The following PELI2 variants were observed in gnomAD, a reference collection of about 807,000 sequenced individuals.
PELI2 encodes pellino E3 ubiquitin protein ligase family member 2, also known as E3 ubiquitin-protein ligase pellino homolog 2.
In PELI2, 23 loss-of-function variants were observed where a neutral mutation model predicts 42.3. That is an observed-to-expected ratio of 0.54 (90% confidence interval 0.39 to 0.77). The LOEUF is 0.77. PELI2 is among the 30% of genes least tolerant of loss of function. The pLI, the probability that PELI2 is intolerant of heterozygous loss-of-function variation, is 0.00. For missense variants in PELI2, 463 were observed against 553.2 expected, an observed-to-expected ratio of 0.84 and a Z score of 1.64; for synonymous variants, 245 against 212.2, an observed-to-expected ratio of 1.15 and a Z score of -1.34.
intron 2 of PELI2, among the ~76,000 whole-genome samples, chr14:56,178,847 G>A (rs1885479951): frequency 6.6e-6 from 1 of 152,144 alleles, no homozygotes; most frequent in Non-Finnish European, 1.5e-5. Context: ...GTTGAAATGT[G>A]ATGTTCTTTA....
intron 2 of PELI2, among the ~76,000 whole-genome samples, chr14:56,263,139 A>G (rs564169925): frequency 3.9e-4 from 60 of 151,948 alleles, no homozygotes; most frequent in African/African-American, 1.3e-3. Flanking sequence ...TTTGTACTTT[A>G]TAGTAGAGAC....
rs762250648 is a variant in PELI2 at position 56,288,779 on chromosome 14, G to A, written c.507+145G>A. On this transcript the variant is annotated intron_variant, in intron 4 of 5. Coordinates refer to ENST00000267460, the MANE Select transcript of PELI2 (RefSeq NM_021255.3). The surrounding 1 kb of genome is among the most constrained non-coding windows in gnomAD (Gnocchi z 4.6). ...TTTAGTTTTCAGGTGGCCAGTTTGA[G>A]AAACTTGTTATTAAAAATCTGAACA... 2 of 614,272 alleles carry A rather than the reference G, an allele frequency of 3.3e-6. No individual in the cohort carries two copies. The highest frequency in any genetic ancestry group is 3.7e-5 in the African/African-American group (2 of 54,080). The allele number at this position is 614,272 out of a possible 1,614,324, so 38.1% of individuals were successfully genotyped here.
At chr14:56,262,864 A>G (rs1167110092) in intron 2 of PELI2, among the ~76,000 whole-genome samples, 2 of 152,208 alleles carry the variant, frequency 1.3e-5, no homozygotes, top group African/African-American at 4.8e-5. Context: ...TAAAAGTTTT[A>G]ATATAGAATA....
rs1886195574 is a variant in PELI2 at position 56,198,000 on chromosome 14, AC to A, written c.207+19537del. On this transcript the variant is annotated intron_variant, in intron 2 of 5. Transcript: ENST00000267460. This position sits in a 1 kb window ranked among gnomAD's most constrained non-coding sequence, Gnocchi z 4.9. ...CACACACACACACACACACACACAC[AC>A]ACACACACACACCCACCTCTTTGGT... Among the ~76,000 whole-genome samples the A allele has an allele frequency of 6.7e-6, 1 of 148,158 alleles. No homozygotes were observed. The highest frequency in any genetic ancestry group is 2.0e-4 in the East Asian group (1 of 4,904).
intron 1 of PELI2, among the ~76,000 whole-genome samples, chr14:56,169,816 ACGTTGTTG>A (rs1885101241): frequency 6.6e-6 from 1 of 152,170 alleles, no homozygotes; most frequent in African/African-American, 2.4e-5. Context: ...AGAGAAATAA[ACGTTGTTG>A]CGTTTCTGGG....
rs1337772681 is a variant in PELI2, at chr14:56,288,378, A to G, written c.310-59A>G. The stretch of plus-strand genomic sequence containing the variant: ...AATCCTGAATGCTTTTTCCTTGTGA[A>G]TAAAATACGGCACCCTGCTATTTTC... On this transcript the variant is annotated intron_variant, in intron 3 of 5. Coordinates refer to ENST00000267460, the MANE Select transcript of PELI2 (RefSeq NM_021255.3). The surrounding 1 kb of genome is among the most constrained non-coding windows in gnomAD (Gnocchi z 4.6). The G allele has an allele frequency of 1.1e-5, 14 of 1,328,526 alleles. No homozygotes were observed. The African/African-American group carries it at 1.7e-4, about 16-fold the overall frequency. The allele number at this position is 1,328,526 out of a possible 1,614,324, so 82.3% of individuals were successfully genotyped here. A position where few individuals can be genotyped will look rare whatever the true frequency, so the allele number is the denominator to read the frequency against.
chr14:56,237,448 T>C (rs182106228), intron 2 of PELI2, among the ~76,000 whole-genome samples: 123 of 152,214 alleles, frequency 8.1e-4, no homozygotes, highest in Non-Finnish European at 1.4e-3. Flanking sequence ...TCTTTCTTTC[T>C]TAGGTGGAAC....
chr14:56,148,632 C>T (rs1345121534), intron 1 of PELI2, among the ~76,000 whole-genome samples: 1 of 152,208 alleles, frequency 6.6e-6, no homozygotes, highest in Non-Finnish European at 1.5e-5. Flanking sequence ...GCCTCAGCTG[C>T]CTGAAACCTT....
chr14:56,211,219 A>T (rs1436649220), intron 2 of PELI2, among the ~76,000 whole-genome samples: 1 of 152,136 alleles, frequency 6.6e-6, no homozygotes, highest in African/African-American at 2.4e-5. Flanking sequence ...TGCTGAAGCA[A>T]CTTTAGCCAG....
intron 2 of PELI2, among the ~76,000 whole-genome samples, chr14:56,198,194 T>A (rs1886209469): frequency 6.6e-6 from 1 of 152,038 alleles, no homozygotes; most frequent in South Asian, 2.1e-4. Flanking sequence ...GAGGAGCCGG[T>A]TTAAGGAGAA....
rs559025773 is a variant in PELI2, at chr14:56,235,328, C to T, written c.208-44348C>T. On this transcript the variant is annotated intron_variant, in intron 2 of 5. Coordinates refer to ENST00000267460, the MANE Select transcript of PELI2 (RefSeq NM_021255.3). The stretch of plus-strand genomic sequence containing the variant: ...TTATAACTACAATGTCAAGATATAT[C>T]CCCCCAAAATTTGGGGACTTCCAGA... 1.9e-3 allele frequency among the ~76,000 whole-genome samples: 283 copies of T among 152,294 alleles called. 1 individual carries two copies. Among genetic ancestry groups the T allele is most frequent in the Non-Finnish European group, 2.9e-3 (200 of 68,024 alleles).
intron 5 of PELI2, 123 bp from the exon 6 acceptor site, chr14:56,296,477 G>A (rs1890005725): frequency 4.6e-6 from 3 of 648,858 alleles, no homozygotes; most frequent in Non-Finnish European, 7.9e-6. Context: ...TTCTGTTTTT[G>A]TGGGATAAAT....
chr14:56,147,612 G>C (rs1884177547), intron 1 of PELI2, among the ~76,000 whole-genome samples: 1 of 152,016 alleles, frequency 6.6e-6, no homozygotes, highest in African/African-American at 2.4e-5. Flanking sequence ...TATGAGCTCT[G>C]GTTTTATGTG....
intron 2 of PELI2, among the ~76,000 whole-genome samples, chr14:56,211,334 C>G (rs1011209304): frequency 6.6e-6 from 1 of 152,196 alleles, no homozygotes; most frequent in Admixed American, 6.5e-5. Context: ...GTGTACAGAC[C>G]TCTGAGTTGA....
intron 1 of PELI2, among the ~76,000 whole-genome samples, chr14:56,123,201 T>C (rs1434107326): frequency 6.6e-6 from 1 of 151,224 alleles, no homozygotes; most frequent in Non-Finnish European, 1.5e-5. Flanking sequence ...TAAAAGCAGG[T>C]CCCACTTTCT....
At chr14:56,292,651 C>A in intron 5 of PELI2, 1 of 259,214 alleles carries the variant, frequency 3.9e-6, no homozygotes, top group Non-Finnish European at 6.0e-6. Flanking sequence ...TCATACTGAG[C>A]ATTTGATATG....
intron 5 of PELI2, among the ~76,000 whole-genome samples, chr14:56,295,705 TA>T (rs1344060751): frequency 6.6e-6 from 1 of 152,198 alleles, no homozygotes; most frequent in Non-Finnish European, 1.5e-5. Context: ...ACGAGGAGTT[TA>T]AGTAATCTGC....
chr14:56,269,325 C>T (rs1157276570), intron 2 of PELI2, among the ~76,000 whole-genome samples: 1 of 151,944 alleles, frequency 6.6e-6, no homozygotes, highest in African/African-American at 2.4e-5. Flanking sequence ...CGCCTGTGGT[C>T]CCAGCTACTC....
At chr14:56,146,465 A>G in intron 1 of PELI2, among the ~76,000 whole-genome samples, 1 of 152,172 alleles carries the variant, frequency 6.6e-6, no homozygotes, top group East Asian at 1.9e-4. Flanking sequence ...TCACCATATG[A>G]TGTGCTCATT....
Sources: gnomAD v4.1 joint callset for allele counts (sites outside exome capture counted in the v4.1 genomes callset) on GRCh38, gnomAD v4.1.1 for gene constraint, Gnocchi (gnomAD v3.1) non-coding constraint, MANE v1.5 for transcripts, NCBI Gene and HGNC (gene_info 2026-07-23, HGNC 2026-07-21) for gene names.